Variants in RBMS1 observed in about 807,000 individuals in gnomAD.
The protein encoded by RBMS1 is RNA-binding motif, single-stranded-interacting protein 1.
RBMS1 carries 17 observed loss-of-function variants against 62.3 expected under a neutral mutation model. The observed-to-expected ratio is 0.27, with a 90% CI of 0.19 to 0.41. RBMS1 has a LOEUF of 0.41. Among genes scored for constraint, RBMS1 ranks in the 10% least tolerant of loss-of-function variants. The probability of loss-of-function intolerance (pLI) is 1.00; values close to 1 mark genes in which losing one functional copy is unlikely to be tolerated. For missense variants in RBMS1, 334 were observed against 504.5 expected, an observed-to-expected ratio of 0.66 and a Z score of 3.24; for synonymous variants, 172 against 170.0, an observed-to-expected ratio of 1.01 and a Z score of -0.09.
At chr2:160,369,639 C>T (rs1167075393) in intron 1 of RBMS1, among the ~76,000 whole-genome samples, 3 of 152,138 alleles carry the variant, frequency 2.0e-5, no homozygotes, top group South Asian at 2.1e-4. Flanking sequence ...AGCTGTTGGG[C>T]GATGAAATGT....
chr2:160,278,421 G>C lies in RBMS1; in HGVS notation c.1062+127C>G, dbSNP rs72998721. Reference sequence around the variant, plus strand: ...GTATTTACTTTATGGAAGGTCATGTGGGGGGAAGAGAGGGGATTAGACATA... The same window carrying C: ...GTATTTACTTTATGGAAGGTCATGTCGGGGGAAGAGAGGGGATTAGACATA... On this transcript the variant is annotated intron_variant, in intron 11 of 13. Coordinates refer to ENST00000348849, the MANE Select transcript of RBMS1 (RefSeq NM_016836.4). 106 of 762,134 alleles carry C rather than the reference G, an allele frequency of 1.4e-4. No individual in the cohort carries two copies. The African/African-American group carries it at 1.6e-3, about 11-fold the overall frequency. 47.2% of individuals were successfully genotyped at this position (762,134 alleles called of 1,614,324 possible).
chr2:160,287,333 A>C (rs183389306), intron 6 of RBMS1, among the ~76,000 whole-genome samples: 1 of 152,336 alleles, frequency 6.6e-6, no homozygotes, highest in Admixed American at 6.5e-5. Flanking sequence ...CTTTCGATTC[A>C]CTTTCACACT....
chr2:160,380,540 C>T (rs941554843), intron 1 of RBMS1, among the ~76,000 whole-genome samples: 8 of 152,178 alleles, frequency 5.3e-5, no homozygotes, highest in African/African-American at 1.9e-4. Flanking sequence ...AGAGGATACA[C>T]AAACAGTTTT....
chr2:160,402,772 G>A lies in RBMS1; in HGVS notation c.76-35381C>T, dbSNP rs539281806. On this transcript the variant is annotated intron_variant, in intron 1 of 13. Coordinates refer to ENST00000348849, the MANE Select transcript of RBMS1 (RefSeq NM_016836.4). The stretch of plus-strand genomic sequence containing the variant: ...ACTCCAGGGACCTAGCTTTCACCAT[G>A]TAGGCCACTTAAGATGTCACTGCCT... 5.8e-4 allele frequency among the ~76,000 whole-genome samples: 88 copies of A among 152,172 alleles called. 1 individual carries two copies. The South Asian group carries it at 0.017, about 29-fold the overall frequency.
intron 1 of RBMS1, among the ~76,000 whole-genome samples, chr2:160,378,180 A>C (rs1171770676): frequency 1.3e-5 from 2 of 152,114 alleles, no homozygotes; most frequent in African/African-American, 4.8e-5. Context: ...TGAAATTGAT[A>C]ATTTAAAGCT....
chr2:160,479,018 G>A (rs535245100), intron 1 of RBMS1, among the ~76,000 whole-genome samples: 1 of 152,232 alleles, frequency 6.6e-6, no homozygotes, highest in Non-Finnish European at 1.5e-5. Flanking sequence ...CTTCAACAGA[G>A]AGAGGTGGTG....
intron 2 of RBMS1, among the ~76,000 whole-genome samples, chr2:160,360,592 C>T (rs1482794205): frequency 2.6e-5 from 4 of 152,172 alleles, no homozygotes; most frequent in Non-Finnish European, 5.9e-5. Context: ...TGCCGAGTGC[C>T]AGCTCTGCAC....
At chr2:160,461,692 G>A (rs559057406) in intron 1 of RBMS1, among the ~76,000 whole-genome samples, 6 of 152,336 alleles carry the variant, frequency 3.9e-5, no homozygotes, top group East Asian at 3.9e-4. Context: ...TCCTCTTTGC[G>A]TTATAACCTC....
intron 1 of RBMS1, among the ~76,000 whole-genome samples, chr2:160,466,216 T>C (rs1391667003): frequency 3.3e-5 from 5 of 152,178 alleles, no homozygotes. Flanking sequence ...CTAGAGATTC[T>C]ATATTCTGCC....
At chr2:160,341,386 G>A (rs1024252330) in intron 2 of RBMS1, among the ~76,000 whole-genome samples, 1 of 152,046 alleles carries the variant, frequency 6.6e-6, no homozygotes, top group Non-Finnish European at 1.5e-5. Flanking sequence ...CACTGTTCCT[G>A]CAGGGTGAGT....
intron 2 of RBMS1, among the ~76,000 whole-genome samples, chr2:160,328,436 C>G (rs1224290501): frequency 6.0e-5 from 9 of 151,132 alleles, no homozygotes; most frequent in Admixed American, 5.9e-4. Context: ...TGTAACCTCT[C>G]AACATACATT....
At chr2:160,472,205 G>A (rs1684948509) in intron 1 of RBMS1, among the ~76,000 whole-genome samples, 1 of 152,002 alleles carries the variant, frequency 6.6e-6, no homozygotes, top group Admixed American at 6.6e-5. Flanking sequence ...ATTTTATTCT[G>A]GTGTTGATGT....
chr2:160,349,134 G>A lies in RBMS1; in HGVS notation c.251+18082C>T, dbSNP rs560067135. On this transcript the variant is annotated intron_variant, in intron 2 of 13. Coordinates refer to ENST00000348849, the MANE Select transcript of RBMS1 (RefSeq NM_016836.4). ...GTTGTATTGTATAGGGAAAGATTCC[G>A]AGGCTCAGCCAGGCACAGTAGGAAA... Among the ~76,000 whole-genome samples, 14 of 152,170 alleles carry A rather than the reference G, an allele frequency of 9.2e-5. No homozygotes were observed. The South Asian group carries it at 1.7e-3, about 18-fold the overall frequency.
At chr2:160,314,655 G>A (rs1690111292) in intron 3 of RBMS1, among the ~76,000 whole-genome samples, 1 of 152,136 alleles carries the variant, frequency 6.6e-6, no homozygotes, top group Admixed American at 6.5e-5. Context: ...TTTCAGGAGA[G>A]ATGAATGTTA....
At position 160,434,491 on chromosome 2, in the gene RBMS1, GA is replaced by G. The variant is rs775251357; in HGVS notation, c.75+58797del. ...AAGAGCCTTTGAGGGAGACAGAAAG[GA>G]AAAAAAAAAACAGCAACGCACAGGT... On this transcript the variant is annotated intron_variant, in intron 1 of 13. Coordinates refer to ENST00000348849, the MANE Select transcript of RBMS1 (RefSeq NM_016836.4). Among the ~76,000 whole-genome samples the G allele has an allele frequency of 4.6e-4, 65 of 141,918 alleles. 1 individual carries two copies. The Middle Eastern group carries it at 0.014, about 31-fold the overall frequency. The allele number at this position is 141,918 out of a possible 152,430, so 93.1% of individuals were successfully genotyped here.
In RBMS1 at chr2:160,312,821, T is replaced by A. The variant is rs1313878609; in HGVS notation, c.402+335A>T. ...TTCCCTGGGCATTGACATTTAAATT[T>A]AAAAAAAAAAAAAACAGTACAGATC... On this transcript the variant is annotated intron_variant, in intron 4 of 13. Coordinates refer to ENST00000348849, the MANE Select transcript of RBMS1 (RefSeq NM_016836.4). Among the ~76,000 whole-genome samples, 442 of 143,412 alleles carry A rather than the reference T, an allele frequency of 3.1e-3. 4 individuals are homozygous for A. Among genetic ancestry groups the A allele is most frequent in the Non-Finnish European group, 2.7e-3 (178 of 65,338 alleles). The allele number at this position is 143,412 out of a possible 152,430, so 94.1% of individuals were successfully genotyped here.
chr2:160,298,063 C>T (rs1259260020), intron 6 of RBMS1, among the ~76,000 whole-genome samples: 2 of 152,062 alleles, frequency 1.3e-5, no homozygotes, highest in Non-Finnish European at 1.5e-5. Context: ...TGCAATGGTG[C>T]AGATGAGAGA....
intron 2 of RBMS1, among the ~76,000 whole-genome samples, chr2:160,336,122 A>G (rs1258279509): frequency 1.3e-5 from 2 of 152,198 alleles, no homozygotes; most frequent in East Asian, 3.8e-4. Context: ...AACAAAAACA[A>G]AAAGTGAAAA....
At chr2:160,457,216 C>T (rs1210312813) in intron 1 of RBMS1, among the ~76,000 whole-genome samples, 2 of 151,860 alleles carry the variant, frequency 1.3e-5, no homozygotes, top group African/African-American at 4.8e-5. Flanking sequence ...CTGCAACCTC[C>T]CCCTCCTGGG....
Sources: allele counts gnomAD v4.1 joint callset (sites outside exome capture counted in the v4.1 genomes callset), GRCh38; gene constraint gnomAD v4.1.1; transcripts MANE v1.5; gene names NCBI Gene and HGNC (gene_info 2026-07-23, HGNC 2026-07-21).